FNDC3B: variants seen among roughly 807,000 people sequenced by gnomAD.
FNDC3B encodes the protein fibronectin type III domain containing 3B, also known as fibronectin type III domain-containing protein 3B.
Under a neutral mutation model 151.5 loss-of-function variants are expected in FNDC3B, and 12 were observed. That is an observed-to-expected ratio of 0.08 (90% CI 0.05 to 0.13). FNDC3B has a LOEUF of 0.13. Ranked by LOEUF, FNDC3B falls within the 10% of genes least tolerant of loss-of-function variation. The pLI, the probability that FNDC3B is intolerant of heterozygous loss-of-function variation, is 1.00. For synonymous variants in FNDC3B, 528 were observed against 549.0 expected (o/e 0.96, Z 0.54); for missense variants, 1,214 against 1,505.3 (o/e 0.81, Z 3.20).
chr3:172,047,859 T>C (rs890961979), intron 1 of FNDC3B, among the ~76,000 whole-genome samples: 8 of 152,234 alleles, frequency 5.3e-5, no homozygotes, highest in Non-Finnish European at 1.0e-4. Flanking sequence ...TCTTTTGTCA[T>C]GTGTAAGCAT....
At chr3:172,132,689 T>G (rs1034982780) in intron 2 of FNDC3B, among the ~76,000 whole-genome samples, 2 of 152,138 alleles carry the variant, frequency 1.3e-5, no homozygotes, top group Non-Finnish European at 2.9e-5. Flanking sequence ...TGAGCCACCG[T>G]GCCCAGCCTA....
intron 3 of FNDC3B, among the ~76,000 whole-genome samples, chr3:172,208,526 A>G (rs1345424358): frequency 6.6e-6 from 1 of 152,216 alleles, no homozygotes; most frequent in Non-Finnish European, 1.5e-5. Flanking sequence ...TAAAGTTGCT[A>G]TATAATCGTT....
At position 172,311,445 on chromosome 3, in the gene FNDC3B, G is replaced by A. The variant is rs1158765882; in HGVS notation, c.1254+564G>A. Among the ~76,000 whole-genome samples the A allele has an allele frequency of 5.3e-5, 8 of 152,118 alleles. 1 individual carries two copies. Among genetic ancestry groups the A allele is most frequent in the South Asian group, 4.2e-4 (2 of 4,810 alleles). On this transcript the variant is annotated intron_variant, in intron 11 of 25. Coordinates refer to ENST00000415807, the MANE Select transcript of FNDC3B (RefSeq NM_022763.4). ...CCAGAGGCCCTTGGAAGGTATCTACGGTGGAGTGTCCTTATTCTCAAAGCC... is the reference window on the plus strand; with the variant it reads ...CCAGAGGCCCTTGGAAGGTATCTACAGTGGAGTGTCCTTATTCTCAAAGCC...
intron 3 of FNDC3B, among the ~76,000 whole-genome samples, chr3:172,210,014 G>T (rs1233905020): frequency 6.6e-6 from 1 of 152,244 alleles, no homozygotes; most frequent in Non-Finnish European, 1.5e-5. Context: ...GGGTGCCAGG[G>T]ACAGGGAGAG....
At chr3:172,098,890 C>T (rs1193217445) in intron 1 of FNDC3B, among the ~76,000 whole-genome samples, 1 of 152,160 alleles carries the variant, frequency 6.6e-6, no homozygotes, top group African/African-American at 2.4e-5. Flanking sequence ...GCAAGGCGTG[C>T]TTCCTGTGTG....
At chr3:172,143,502 G>T (rs78564437) in intron 3 of FNDC3B, among the ~76,000 whole-genome samples, 1,886 of 151,920 alleles carry the variant, frequency 0.012, 49 homozygotes, top group African/African-American at 0.043. Flanking sequence ...AATATTTTAG[G>T]TTACTCGTTA....
At chr3:172,190,648 A>G (rs1057234429) in intron 3 of FNDC3B, among the ~76,000 whole-genome samples, 1 of 151,346 alleles carries the variant, frequency 6.6e-6, no homozygotes, top group Non-Finnish European at 1.5e-5. Context: ...TTTGATAACC[A>G]TTGTGTCTTT....
intron 3 of FNDC3B, among the ~76,000 whole-genome samples, chr3:172,212,101 G>A (rs1017042854): frequency 2.6e-5 from 4 of 152,132 alleles, no homozygotes; most frequent in Admixed American, 6.5e-5. Flanking sequence ...TGATCATTTT[G>A]TTGTTGCCAT....
At chr3:172,272,939 A>G (rs182249001) in intron 6 of FNDC3B, among the ~76,000 whole-genome samples, 2 of 152,318 alleles carry the variant, frequency 1.3e-5, no homozygotes, top group Admixed American at 1.3e-4. Flanking sequence ...TAATTTCACA[A>G]TCTGAGGTAG....
intron 4 of FNDC3B, among the ~76,000 whole-genome samples, chr3:172,246,056 G>A (rs1053813046): frequency 4.6e-5 from 7 of 152,050 alleles, no homozygotes; most frequent in African/African-American, 1.4e-4. Flanking sequence ...ATGAAGCTAA[G>A]TATAGTTTTT....
intron 11 of FNDC3B, chr3:172,316,282 G>A (rs1731785755): frequency 5.1e-6 from 2 of 394,454 alleles, no homozygotes; most frequent in Admixed American, 6.5e-5. Context: ...TTACAGGTGT[G>A]AGCCACCATG....
chr3:172,197,996 C>T (rs542142999), intron 3 of FNDC3B, among the ~76,000 whole-genome samples: 22 of 152,156 alleles, frequency 1.4e-4, no homozygotes, highest in Non-Finnish European at 2.5e-4. Flanking sequence ...TTGATTTATT[C>T]ATTATTTGTA....
chr3:172,068,987 G>A (rs1717640506), intron 1 of FNDC3B, among the ~76,000 whole-genome samples: 1 of 152,154 alleles, frequency 6.6e-6, no homozygotes, highest in Non-Finnish European at 1.5e-5. Context: ...TTGTAGCCAG[G>A]CAGTTGTGGT....
At chr3:172,363,876 A>G (rs540422081) in intron 23 of FNDC3B, among the ~76,000 whole-genome samples, 1 of 152,318 alleles carries the variant, frequency 6.6e-6, no homozygotes, top group Admixed American at 6.5e-5. Context: ...TAAAATGGCC[A>G]TAGAACATTA....
At chr3:172,129,315 T>G (rs1720955457) in intron 2 of FNDC3B, among the ~76,000 whole-genome samples, 1 of 152,180 alleles carries the variant, frequency 6.6e-6, no homozygotes, top group Non-Finnish European at 1.5e-5. Flanking sequence ...TGATTGCTTA[T>G]TTGAGTGACT....
chr3:172,084,301 A>T (rs1172505183), intron 1 of FNDC3B, among the ~76,000 whole-genome samples: 2 of 152,098 alleles, frequency 1.3e-5, no homozygotes, highest in Admixed American at 6.6e-5. Context: ...AATAAAAAAA[A>T]TTAGCTGGGC....
chr3:172,144,112 G>T (rs1721782639), intron 3 of FNDC3B, among the ~76,000 whole-genome samples: 1 of 152,074 alleles, frequency 6.6e-6, no homozygotes, highest in Non-Finnish European at 1.5e-5. Context: ...GGGCCTCAAA[G>T]AACTTACAAT....
At chr3:172,197,367 A>G (rs1292425399) in intron 3 of FNDC3B, among the ~76,000 whole-genome samples, 1 of 152,192 alleles carries the variant, frequency 6.6e-6, no homozygotes, top group African/African-American at 2.4e-5. Context: ...CTGAACCGTT[A>G]GAGAGTAAAT....
chr3:172,367,981 GC>G (rs1304193068), intron 23 of FNDC3B, among the ~76,000 whole-genome samples: 2 of 152,308 alleles, frequency 1.3e-5, no homozygotes, highest in Non-Finnish European at 1.5e-5. Context: ...TTTACAGGGA[GC>G]CTGCCTGTTG....
Sources: allele counts gnomAD v4.1 joint callset (sites outside exome capture counted in the v4.1 genomes callset), GRCh38; gene constraint gnomAD v4.1.1; transcripts MANE v1.5; gene names NCBI Gene and HGNC (gene_info 2026-07-23, HGNC 2026-07-21).